Variants in NME7 observed in about 807,000 individuals in gnomAD.
NME7 encodes NME/NM23 family member 7, also known as nucleoside diphosphate kinase 7.
NME7 carries 41 observed loss-of-function variants against 49.1 expected under a neutral mutation model. That is an observed-to-expected ratio of 0.83 (90% confidence interval 0.65 to 1.08). NME7 has a LOEUF of 1.08. NME7 is among the 50% of genes least tolerant of loss of function. The pLI is 0.00. For synonymous variants in NME7, 139 were observed against 150.6 expected, an observed-to-expected ratio of 0.92 and a Z score of 0.56; for missense variants, 423 against 463.4, an observed-to-expected ratio of 0.91 and a Z score of 0.80.
chr1:169,152,060 G>A lies in NME7; in HGVS notation c.1098+17387C>T, dbSNP rs113083956. Among the ~76,000 whole-genome samples, 854 of 152,348 alleles carry A rather than the reference G, an allele frequency of 5.6e-3. 9 individuals carry two copies. The highest frequency in any genetic ancestry group is 0.02 in the African/African-American group (817 of 41,580). ...AAAGATAATTAAGTAAGTTCTGACA[G>A]TGAAATTAGAGTTTTAACTTAGCTG... On this transcript the variant is annotated intron_variant, in intron 11 of 11. Coordinates refer to ENST00000367811, the MANE Select transcript of NME7 (RefSeq NM_013330.5).
chr1:169,305,516 T>C (rs1250084680), intron 4 of NME7, among the ~76,000 whole-genome samples: 1 of 152,234 alleles, frequency 6.6e-6, no homozygotes, highest in Non-Finnish European at 1.5e-5. Context: ...GTTTCTCTCT[T>C]CTAACTTGTC....
intron 1 of NME7, among the ~76,000 whole-genome samples, chr1:169,338,936 T>C (rs1652580272): frequency 6.6e-6 from 1 of 152,186 alleles, no homozygotes; most frequent in South Asian, 2.1e-4. Context: ...CACTGGGTTG[T>C]CGTCTAATTT....
At chr1:169,144,239 A>T (rs1557960360) in intron 11 of NME7, among the ~76,000 whole-genome samples, 1 of 152,264 alleles carries the variant, frequency 6.6e-6, no homozygotes, top group East Asian at 1.9e-4. Context: ...TAAAAAACCA[A>T]GGTAAAGAGC....
At chr1:169,146,096 G>A (rs953582908) in intron 11 of NME7, among the ~76,000 whole-genome samples, 3 of 152,066 alleles carry the variant, frequency 2.0e-5, no homozygotes, top group African/African-American at 4.8e-5. Context: ...CACTCTCCCC[G>A]CTTTTAGAGT....
intron 7 of NME7, chr1:169,284,122 T>C (rs1325262021): frequency 2.0e-5 from 3 of 152,192 alleles, no homozygotes; most frequent in African/African-American, 7.2e-5. Context: ...TAATCCCATA[T>C]TTCTTGGAGG....
chr1:169,354,883 A>G (rs1653329052), intron 1 of NME7, among the ~76,000 whole-genome samples: 1 of 127,708 alleles, frequency 7.8e-6, no homozygotes, highest in Non-Finnish European at 1.6e-5. Context: ...ACATAATAAT[A>G]TATAATGAAT....
intron 10 of NME7, among the ~76,000 whole-genome samples, chr1:169,171,154 T>C: frequency 6.6e-6 from 1 of 152,088 alleles, no homozygotes; most frequent in Non-Finnish European, 1.5e-5. Context: ...ATCGGCACTT[T>C]GGGAGGAGTT....
chr1:169,299,862 C>T (rs971661217), intron 5 of NME7, among the ~76,000 whole-genome samples: 3 of 152,078 alleles, frequency 2.0e-5, no homozygotes, highest in African/African-American at 7.2e-5. Flanking sequence ...AGACCAACCA[C>T]TAGATTTAAA....
intron 7 of NME7, among the ~76,000 whole-genome samples, chr1:169,275,181 A>C (rs1649655284): frequency 7.6e-6 from 1 of 131,828 alleles, no homozygotes; most frequent in Admixed American, 7.5e-5. Context: ...GAGGTCCTTC[A>C]CGTCCCTTAT....
chr1:169,364,456 G>A (rs542987576), intron 1 of NME7, among the ~76,000 whole-genome samples: 2 of 152,190 alleles, frequency 1.3e-5, no homozygotes, highest in South Asian at 4.1e-4. Flanking sequence ...ATGTTGCTCA[G>A]GCTGGCCTTG....
intron 7 of NME7, chr1:169,285,034 T>C (rs1349821349): frequency 6.6e-6 from 1 of 152,182 alleles, no homozygotes; most frequent in Non-Finnish European, 1.5e-5. Context: ...TGTTTATGTA[T>C]ATATGTATAT....
intron 7 of NME7, among the ~76,000 whole-genome samples, chr1:169,283,415 T>C (rs956101514): frequency 2.6e-5 from 4 of 152,198 alleles, no homozygotes; most frequent in East Asian, 3.8e-4. Flanking sequence ...CCAGTCTATG[T>C]CTTTTAACTG....
chr1:169,294,691 A>G (rs1251799520), intron 6 of NME7, among the ~76,000 whole-genome samples: 1 of 152,214 alleles, frequency 6.6e-6, no homozygotes, highest in East Asian at 1.9e-4. Context: ...ACAAGGGTAA[A>G]AAAATATATA....
At chr1:169,269,475 C>T (rs1437253579) in intron 7 of NME7, among the ~76,000 whole-genome samples, 3 of 133,750 alleles carry the variant, frequency 2.2e-5, no homozygotes, top group East Asian at 2.0e-4. Flanking sequence ...AATGTCATGC[C>T]TCTTTCACAG....
intron 11 of NME7, among the ~76,000 whole-genome samples, chr1:169,133,085 G>GTGT (rs1040776041): frequency 6.7e-6 from 1 of 149,510 alleles, no homozygotes; most frequent in African/African-American, 2.4e-5. Context: ...CTAGACATAT[G>GTGT]TGTTAAAAAA....
intron 7 of NME7, 132 bp from the exon 8 acceptor site, chr1:169,237,819 A>G: frequency 1.6e-6 from 1 of 623,866 alleles, no homozygotes; most frequent in South Asian, 2.1e-5. Context: ...ATTTTGCAAG[A>G]GAAACTAAAT....
intron 10 of NME7, among the ~76,000 whole-genome samples, chr1:169,182,035 T>C (rs1481014839): frequency 6.6e-6 from 1 of 152,170 alleles, no homozygotes; most frequent in African/African-American, 2.4e-5. Flanking sequence ...TGCCCAGTTC[T>C]CTTTTCTGAG....
At chr1:169,270,215 C>T (rs1357683987) in intron 7 of NME7, among the ~76,000 whole-genome samples, 1 of 134,416 alleles carries the variant, frequency 7.4e-6, no homozygotes, top group African/African-American at 2.5e-5. Flanking sequence ...ATAAACAATG[C>T]AGTAAAATTG....
At chr1:169,182,831 A>C (rs1659965534) in intron 10 of NME7, among the ~76,000 whole-genome samples, 1 of 152,198 alleles carries the variant, frequency 6.6e-6, no homozygotes. Context: ...AACTTTGTTA[A>C]TGATAGGGTA....
Sources: gnomAD v4.1 joint callset for allele counts (sites outside exome capture counted in the v4.1 genomes callset) on GRCh38, gnomAD v4.1.1 for gene constraint, MANE v1.5 for transcripts, NCBI Gene and HGNC (gene_info 2026-07-23, HGNC 2026-07-21) for gene names.